Variants in NOL4L observed in about 807,000 individuals in gnomAD.
NOL4L encodes nucleolar protein 4 like.
In NOL4L, 7 loss-of-function variants were observed where a neutral mutation model predicts 64.5. That is an observed-to-expected ratio of 0.11 (90% CI 0.06 to 0.20). The LOEUF (loss-of-function observed/expected upper bound fraction) is 0.20, where lower values mean the gene tolerates loss of function less well. NOL4L is among the 10% of genes least tolerant of loss of function. The pLI is 1.00. For synonymous variants in NOL4L, 413 were observed against 401.0 expected, an observed-to-expected ratio of 1.03 and a Z score of -0.36; for missense variants, 680 against 967.1, an observed-to-expected ratio of 0.70 and a Z score of 3.94.
chr20:32,497,379 C>T (rs1055592811), intron 4 of NOL4L, among the ~76,000 whole-genome samples: 1 of 152,152 alleles, frequency 6.6e-6, no homozygotes, highest in Non-Finnish European at 1.5e-5. Context: ...AAGTCACAAC[C>T]ACTAAATGCT....
intron 4 of NOL4L, among the ~76,000 whole-genome samples, chr20:32,499,263 G>GC (rs2016822230): frequency 6.6e-6 from 1 of 152,018 alleles, no homozygotes; most frequent in South Asian, 2.1e-4. Flanking sequence ...CATGTTTAGA[G>GC]CCCCCCGATC....
intron 2 of NOL4L, among the ~76,000 whole-genome samples, chr20:32,521,957 AG>A (rs544645179): frequency 1.3e-3 from 203 of 152,348 alleles, no homozygotes; most frequent in African/African-American, 4.8e-3. Flanking sequence ...AAGTTGGCCA[AG>A]GGTGAGGGGC....
At chr20:32,576,037 C>T (rs375808199) in intron 1 of NOL4L, among the ~76,000 whole-genome samples, 7 of 152,274 alleles carry the variant, frequency 4.6e-5, no homozygotes, top group South Asian at 2.1e-4. Context: ...GCCAAATGAA[C>T]GAGGCGAGAG....
chr20:32,491,075 C>T (rs1284668127), intron 4 of NOL4L, among the ~76,000 whole-genome samples: 5 of 152,214 alleles, frequency 3.3e-5, no homozygotes, highest in African/African-American at 1.2e-4. Flanking sequence ...CACCAGGCGC[C>T]ATGACAAGTG....
intron 3 of NOL4L, among the ~76,000 whole-genome samples, chr20:32,515,137 T>A (rs1176242741): frequency 6.6e-6 from 1 of 152,030 alleles, no homozygotes; most frequent in African/African-American, 2.4e-5. Context: ...TTGGGAGGCG[T>A]GAGAAGAGGT....
At chr20:32,483,938 C>G (rs895601865) in intron 4 of NOL4L, among the ~76,000 whole-genome samples, 1 of 151,020 alleles carries the variant, frequency 6.6e-6, no homozygotes, top group Non-Finnish European at 1.5e-5. Context: ...AAGGGGGAAG[C>G]GCTTCGAGGA....
chr20:32,577,484 G>A (rs1441078756), intron 1 of NOL4L, among the ~76,000 whole-genome samples: 1 of 152,150 alleles, frequency 6.6e-6, no homozygotes, highest in Non-Finnish European at 1.5e-5. Context: ...AACCAGTCAG[G>A]GCAGCAAGAG....
At chr20:32,550,385 A>C (rs1340909143) in intron 1 of NOL4L, among the ~76,000 whole-genome samples, 1 of 152,194 alleles carries the variant, frequency 6.6e-6, no homozygotes. Context: ...TAGCTGGGCC[A>C]CTGCACCCGG....
At chr20:32,466,091 CT>C (rs1427457149) in intron 5 of NOL4L, among the ~76,000 whole-genome samples, 3 of 151,870 alleles carry the variant, frequency 2.0e-5, no homozygotes, top group Admixed American at 6.6e-5. Context: ...CCTTAGCTTC[CT>C]GAGTAGCTGG....
rs180945502 is a variant in NOL4L, at chr20:32,504,339, T to C, written c.699+7008A>G. Among the ~76,000 whole-genome samples, 525 of 152,180 alleles carry C rather than the reference T, an allele frequency of 3.4e-3. 1 individual carries two copies. Among genetic ancestry groups the C allele is most frequent in the Middle Eastern group, 6.8e-3 (2 of 294 alleles). On this transcript the variant is annotated intron_variant, in intron 4 of 10. Transcript: ENST00000621426. ...ACTTTGGGAGGCTGAGGTGGGTAGA[T>C]CACGAGGTCAGTAGATCGAGACCAT...
At chr20:32,544,333 A>G (rs1333720685) in intron 1 of NOL4L, among the ~76,000 whole-genome samples, 3 of 151,844 alleles carry the variant, frequency 2.0e-5, no homozygotes, top group Non-Finnish European at 4.4e-5. Context: ...GGGAAGGGGT[A>G]CAAAGAGGCA....
chr20:32,488,817 C>CT (rs1394405957), intron 4 of NOL4L, among the ~76,000 whole-genome samples: 1 of 23,930 alleles, frequency 4.2e-5, no homozygotes, highest in Non-Finnish European at 7.1e-5. Flanking sequence ...TTCTTTCTTT[C>CT]TTTCTTTCTT....
intron 4 of NOL4L, among the ~76,000 whole-genome samples, chr20:32,485,298 T>C (rs1453934347): frequency 1.3e-5 from 2 of 152,158 alleles, no homozygotes; most frequent in Non-Finnish European, 2.9e-5. Flanking sequence ...AAAAGCCTTT[T>C]TTCTTTCTTC....
chr20:32,484,801 G>A (rs1280332046), intron 4 of NOL4L, among the ~76,000 whole-genome samples: 1 of 152,058 alleles, frequency 6.6e-6, no homozygotes, highest in Non-Finnish European at 1.5e-5. Flanking sequence ...CCTTGCCCGG[G>A]GCGCAGGAGG....
At chr20:32,473,290 C>T (rs1238209279) in intron 5 of NOL4L, among the ~76,000 whole-genome samples, 2 of 152,182 alleles carry the variant, frequency 1.3e-5, no homozygotes, top group East Asian at 1.9e-4. Context: ...TGGCCTCAAT[C>T]GGCTCAGTTG....
In NOL4L at chr20:32,572,519, C is replaced by G. The variant is rs575482463; in HGVS notation, c.321+12051G>C. The G allele has an allele frequency of 3.9e-5, 6 of 152,358 alleles. No homozygotes were observed. The East Asian group carries it at 5.8e-4, about 15-fold the overall frequency. 9.4% of individuals were successfully genotyped at this position (152,358 alleles called of 1,614,324 possible). On this transcript the variant is annotated intron_variant, in intron 1 of 10. Transcript: ENST00000621426. ...GATGGATCCAAGCCAGTTGGTGAGT[C>G]AGGATTCGAACCCAGGGCTCTTGTT...
chr20:32,565,810 T>C (rs1979392372), intron 1 of NOL4L, among the ~76,000 whole-genome samples: 1 of 152,168 alleles, frequency 6.6e-6, no homozygotes, highest in African/African-American at 2.4e-5. Context: ...CTGAGCATTT[T>C]GGGAGGCTGA....
intron 1 of NOL4L, among the ~76,000 whole-genome samples, chr20:32,553,338 G>T (rs951037614): frequency 6.6e-6 from 1 of 151,976 alleles, no homozygotes; most frequent in Non-Finnish European, 1.5e-5. Context: ...CACACCCAGG[G>T]CTCCAGCCCA....
intron 5 of NOL4L, among the ~76,000 whole-genome samples, chr20:32,466,227 C>A (rs1207218930): frequency 6.6e-6 from 1 of 152,198 alleles, no homozygotes; most frequent in East Asian, 1.9e-4. Flanking sequence ...CTTAGCCTCC[C>A]AAAGTGCTGG....
Sources: allele counts gnomAD v4.1 joint callset (sites outside exome capture counted in the v4.1 genomes callset), GRCh38; gene constraint gnomAD v4.1.1; transcripts MANE v1.5; gene names NCBI Gene and HGNC (gene_info 2026-07-23, HGNC 2026-07-21).